Variants in STK32A observed in about 807,000 individuals in gnomAD.
STK32A encodes serine/threonine kinase 32A, also known as serine/threonine-protein kinase 32A.
Under a neutral mutation model 53.2 loss-of-function variants are expected in STK32A, and 41 were observed. That is an observed-to-expected ratio of 0.77 (90% CI 0.60 to 1.00). The LOEUF is 1.00. Among genes scored for constraint, STK32A ranks in the 50% least tolerant of loss-of-function variants. The pLI is 0.00. For synonymous variants in STK32A, 166 were observed against 162.8 expected (o/e 1.02, Z -0.15); for missense variants, 458 against 485.8 (o/e 0.94, Z 0.54).
At chr5:147,310,532 G>C (rs1716749723) in intron 4 of STK32A, among the ~76,000 whole-genome samples, 1 of 152,150 alleles carries the variant, frequency 6.6e-6, no homozygotes, top group South Asian at 2.1e-4. Flanking sequence ...ACGCCAGCCA[G>C]GCCTGCCCAG....
chr5:147,377,238 A>T (rs1278758339), intron 11 of STK32A, among the ~76,000 whole-genome samples: 1 of 151,704 alleles, frequency 6.6e-6, no homozygotes, highest in Non-Finnish European at 1.5e-5. Flanking sequence ...CATTTTTGTG[A>T]ATTTTCCAGT....
At chr5:147,351,740 G>A (rs555408934) in intron 7 of STK32A, among the ~76,000 whole-genome samples, 22 of 152,158 alleles carry the variant, frequency 1.4e-4, no homozygotes, top group South Asian at 4.2e-4. Flanking sequence ...CCAGCTACTC[G>A]GGGGGCTGAG....
intron 4 of STK32A, among the ~76,000 whole-genome samples, chr5:147,288,594 C>CA (rs913523261): frequency 3.9e-5 from 6 of 152,080 alleles, no homozygotes; most frequent in African/African-American, 1.2e-4. Context: ...AAAAGGGGAG[C>CA]AGGGCATCTC....
At chr5:147,393,112 G>A in the STK32A span, 1 of 152,206 alleles carries the variant, frequency 6.6e-6, no homozygotes. Flanking sequence ...TGCAAAGACA[G>A]AAGAGTGAGA....
chr5:147,302,151 AT>A (rs946329540), intron 4 of STK32A, among the ~76,000 whole-genome samples: 3 of 152,104 alleles, frequency 2.0e-5, no homozygotes, highest in Admixed American at 2.0e-4. Context: ...TACAAACACT[AT>A]TAGTATTTAG....
intron 2 of STK32A, among the ~76,000 whole-genome samples, chr5:147,252,555 T>A (rs1440687559): frequency 6.6e-6 from 1 of 151,648 alleles, no homozygotes; most frequent in East Asian, 1.9e-4. Context: ...ATTGCAGCTA[T>A]TCTTAGGAAA....
chr5:147,343,029 T>G lies in STK32A; in HGVS notation c.458T>G (p.Leu153Ter). 1 of 1,613,560 alleles carries G rather than the reference T, an allele frequency of 6.2e-7. No individual in the cohort carries two copies. The highest frequency in any genetic ancestry group is 1.1e-5 in the South Asian group (1 of 91,080). Residue 153 changes from leucine to a stop codon, truncating the protein, a stop_gained, in exon 6 of 13, where the codon TTA becomes TGA. Coordinates refer to ENST00000397936, the MANE Select transcript of STK32A (RefSeq NM_001112724.2). LOFTEE classifies it high-confidence loss of function. ...AGGGATATGAAGCCTGACAATATTTTACTTGACGAACATGGTAAGTGAGTG... is the reference window on the plus strand; with the variant it reads ...AGGGATATGAAGCCTGACAATATTTGACTTGACGAACATGGTAAGTGAGTG... ...IHRDMKPDNI[L>*]LDEHGHVHIT...
the STK32A span, chr5:147,401,399 CT>C: frequency 1.0e-6 from 1 of 966,544 alleles, no homozygotes; most frequent in South Asian, 1.9e-5. Context: ...ACGCTCAAGA[CT>C]GTAAAAGAAT....
intron 2 of STK32A, among the ~76,000 whole-genome samples, chr5:147,242,118 AC>A (rs1286632564): frequency 6.6e-6 from 1 of 152,080 alleles, no homozygotes; most frequent in East Asian, 1.9e-4. Context: ...CTTTCTTAAC[AC>A]CCTCTAGGTC....
intron 2 of STK32A, among the ~76,000 whole-genome samples, chr5:147,260,173 C>G (rs1344018455): frequency 7.3e-5 from 1 of 13,670 alleles, no homozygotes; most frequent in African/African-American, 3.0e-4. Context: ...GTCTCTCTCT[C>G]TCTCTCCTCT....
At chr5:147,298,183 G>A (rs1305631649) in intron 4 of STK32A, among the ~76,000 whole-genome samples, 1 of 152,110 alleles carries the variant, frequency 6.6e-6, no homozygotes, top group African/African-American at 2.4e-5. Flanking sequence ...TGAGCAGAAA[G>A]GGATGAGTTT....
At chr5:147,314,272 T>C (rs1753848029) in intron 4 of STK32A, among the ~76,000 whole-genome samples, 1 of 151,796 alleles carries the variant, frequency 6.6e-6, no homozygotes, top group South Asian at 2.1e-4. Flanking sequence ...CCAAGGTGGG[T>C]GGATCACCTG....
In STK32A at chr5:147,314,740, C is replaced by CTTTTT. The variant is rs780298418; in HGVS notation, c.261-9147_261-9143dup. Among the ~76,000 whole-genome samples, 145 of 136,012 alleles carry CTTTTT rather than the reference C, an allele frequency of 1.1e-3. 6 individuals are homozygous for CTTTTT. Among genetic ancestry groups the CTTTTT allele is most frequent in the African/African-American group, 1.6e-3 (57 of 36,618 alleles). 89.2% of individuals were successfully genotyped at this position (136,012 alleles called of 152,430 possible). On this transcript the variant is annotated intron_variant, in intron 4 of 12. Transcript: ENST00000397936. ...ATTTCATACCTATTGCTTTCTTTTT[C>CTTTTT]TTTTTTTTTTTTTTTGAGACAGAAT...
chr5:147,362,980 G>A (rs1468896851), intron 8 of STK32A, among the ~76,000 whole-genome samples: 1 of 152,004 alleles, frequency 6.6e-6, no homozygotes, highest in Non-Finnish European at 1.5e-5. Context: ...CAACTACTCA[G>A]GTGGTTGAGG....
At chr5:147,364,552 A>G (rs1756660378) in intron 8 of STK32A, among the ~76,000 whole-genome samples, 1 of 152,182 alleles carries the variant, frequency 6.6e-6, no homozygotes, top group East Asian at 1.9e-4. Context: ...GCCTTCACAA[A>G]ATACCACAGA....
chr5:147,260,119 T>C lies in STK32A; in HGVS notation c.53-18005T>C, dbSNP rs1309168432. On this transcript the variant is annotated intron_variant, in intron 2 of 12. Transcript: ENST00000397936. ...TCTGTCTCTGTCTCCTCTCTGTCCC[T>C]CTCTCTCTCTTCTCTGTCTCTCTCT... Among the ~76,000 whole-genome samples the C allele has an allele frequency of 9.1e-5, 12 of 131,348 alleles. 1 individual carries two copies. Among genetic ancestry groups the C allele is most frequent in the South Asian group, 7.9e-4 (3 of 3,778 alleles). 86.2% of individuals were successfully genotyped at this position (131,348 alleles called of 152,430 possible).
chr5:147,275,369 C>T (rs1284019983), intron 2 of STK32A, among the ~76,000 whole-genome samples: 1 of 151,744 alleles, frequency 6.6e-6, no homozygotes, highest in Non-Finnish European at 1.5e-5. Context: ...ACCCTGTTGC[C>T]CAGGCTGGTG....
chr5:147,301,131 T>C (rs1753111556), intron 4 of STK32A, among the ~76,000 whole-genome samples: 1 of 152,138 alleles, frequency 6.6e-6, no homozygotes. Context: ...AAATAGATTA[T>C]GGGTGAAGGG....
At chr5:147,272,273 C>T (rs182594954) in intron 2 of STK32A, among the ~76,000 whole-genome samples, 4 of 152,296 alleles carry the variant, frequency 2.6e-5, no homozygotes, top group African/African-American at 9.6e-5. Context: ...GACTGGGTTT[C>T]ACCATGTTGG....
Sources: allele counts gnomAD v4.1 joint callset (sites outside exome capture counted in the v4.1 genomes callset), GRCh38; gene constraint gnomAD v4.1.1; transcripts MANE v1.5; gene names NCBI Gene and HGNC (gene_info 2026-07-23, HGNC 2026-07-21).